CFTR: variants seen among roughly 807,000 people sequenced by gnomAD.
CFTR encodes cystic fibrosis transmembrane conductance regulator.
In CFTR, 181 loss-of-function variants were observed where a neutral mutation model predicts 171.6. The observed-to-expected ratio is 1.05, with a 90% CI of 0.93 to 1.19. The LOEUF (loss-of-function observed/expected upper bound fraction) is 1.19. CFTR is among the 50% of genes most tolerant of loss of function. CFTR has a pLI of 0.00. For missense variants in CFTR, 1,968 were observed against 1,734.7 expected (o/e 1.13, Z -2.39); for synonymous variants, 583 against 608.0 (o/e 0.96, Z 0.60).
At chr7:117,629,241 G>A (rs1245696378) in intron 22 of CFTR, among the ~76,000 whole-genome samples, 1 of 152,130 alleles carries the variant, frequency 6.6e-6, no homozygotes, top group Non-Finnish European at 1.5e-5. Context: ...AGGTACTTTG[G>A]GGGAATTGGA....
chr7:117,606,571 G>A, intron 17 of CFTR, 103 bp from the exon 18 acceptor site: 1 of 728,202 alleles, frequency 1.4e-6, no homozygotes, highest in African/African-American at 1.8e-5. Context: ...TCTTATTTGG[G>A]TTCTGAATGC....
At chr7:117,619,298 C>T (rs907611035) in intron 21 of CFTR, among the ~76,000 whole-genome samples, 1 of 152,100 alleles carries the variant, frequency 6.6e-6, no homozygotes, top group Non-Finnish European at 1.5e-5. Context: ...AGATTCCTAT[C>T]TGTATGAAAA....
intron 23 of CFTR, among the ~76,000 whole-genome samples, chr7:117,648,580 G>A (rs903448514): frequency 3.3e-5 from 5 of 152,030 alleles, no homozygotes; most frequent in African/African-American, 1.2e-4. Flanking sequence ...AGAGATAAAG[G>A]GCCATTGTGT....
In CFTR at chr7:117,642,553, C is replaced by G; in HGVS notation, c.3833C>G (p.Thr1278Ser). The G allele has an allele frequency of 6.2e-7, 1 of 1,613,476 alleles. No homozygotes were observed. Among genetic ancestry groups the G allele is most frequent in the South Asian group, 1.1e-5 (1 of 91,064 alleles). Reference sequence around the variant, plus strand: ...GATGGTGTGTCTTGGGATTCAATAACTTTGCAACAGTGGAGGAAAGCCTTT... The same window carrying G: ...GATGGTGTGTCTTGGGATTCAATAAGTTTGCAACAGTGGAGGAAAGCCTTT... ...QIDGVSWDSI[T>S]LQQWRKAFGV... Residue 1278 changes from threonine (T) to serine (S), a missense_variant, in exon 23 of 27, where the codon ACT becomes AGT. Physicochemically the swap from Thr to Ser is moderately conservative, Grantham distance 58. Transcript: ENST00000003084.
chr7:117,522,672 G>T (rs34870970), intron 3 of CFTR, among the ~76,000 whole-genome samples: 1 of 152,058 alleles, frequency 6.6e-6, no homozygotes, highest in Non-Finnish European at 1.5e-5. Context: ...AAATCAGGAC[G>T]CTTCTTGTGT....
intron 17 of CFTR, among the ~76,000 whole-genome samples, chr7:117,605,311 T>G (rs1792284623): frequency 6.6e-6 from 1 of 152,196 alleles, no homozygotes; most frequent in South Asian, 2.1e-4. Flanking sequence ...CAATTTTTGA[T>G]TATCATGAAA....
At chr7:117,651,878 C>T (rs927516024) in intron 23 of CFTR, among the ~76,000 whole-genome samples, 4 of 152,072 alleles carry the variant, frequency 2.6e-5, no homozygotes, top group Admixed American at 2.6e-4. Context: ...TAAATATTCT[C>T]ATTTCAAGGC....
chr7:117,602,758 G>A (rs1792244348), intron 15 of CFTR, 68 bp from the exon 16 acceptor site: 1 of 1,218,478 alleles, frequency 8.2e-7, no homozygotes, highest in Non-Finnish European at 1.2e-6. Context: ...TGTGAATTTA[G>A]ATGTGGGCAT....
At chr7:117,521,825 A>G (rs1798690038) in intron 3 of CFTR, among the ~76,000 whole-genome samples, 1 of 152,272 alleles carries the variant, frequency 6.6e-6, no homozygotes. Flanking sequence ...GCATGAGTTC[A>G]GGTTTCTATT....
intron 4 of CFTR, among the ~76,000 whole-genome samples, chr7:117,532,118 C>G (rs1798875267): frequency 6.6e-6 from 1 of 151,852 alleles, no homozygotes; most frequent in South Asian, 2.1e-4. Context: ...CAGTTATCAC[C>G]TCAGCTACAA....
chr7:117,614,801 C>A (rs1279047035), intron 21 of CFTR, 88 bp downstream of exon 21: 2 of 813,854 alleles, frequency 2.5e-6, no homozygotes, highest in East Asian at 2.6e-5. Context: ...AACTATATAC[C>A]GTATATTGAG....
intron 23 of CFTR, among the ~76,000 whole-genome samples, chr7:117,645,589 C>CT (rs1792985776): frequency 1.3e-5 from 2 of 152,246 alleles, no homozygotes; most frequent in African/African-American, 4.8e-5. Flanking sequence ...ACTGCAGTGC[C>CT]TTCCTCATCT....
intron 9 of CFTR, among the ~76,000 whole-genome samples, chr7:117,544,394 C>T (rs775554358): frequency 1.3e-5 from 2 of 152,180 alleles, no homozygotes; most frequent in African/African-American, 2.4e-5. Context: ...TTATCACATT[C>T]ACAAAATTCC....
intron 1 of CFTR, among the ~76,000 whole-genome samples, chr7:117,490,829 T>A (rs1407972684): frequency 1.3e-5 from 2 of 152,050 alleles, no homozygotes; most frequent in African/African-American, 4.8e-5. Flanking sequence ...AATTTATCCC[T>A]CCTTTCCTAT....
chr7:117,645,147 G>A (rs1284702540), intron 23 of CFTR, among the ~76,000 whole-genome samples: 1 of 152,036 alleles, frequency 6.6e-6, no homozygotes, highest in Non-Finnish European at 1.5e-5. Flanking sequence ...TATCAAATGC[G>A]ACCAAAACAA....
intron 1 of CFTR, among the ~76,000 whole-genome samples, chr7:117,483,891 T>A (rs543225773): frequency 6.6e-5 from 10 of 152,272 alleles, no homozygotes; most frequent in African/African-American, 2.4e-4. Context: ...AGACAGTGCT[T>A]AATGAAGAGA....
rs1419967340 is a variant in CFTR at position 117,556,991 on chromosome 7, TTATTC to T, written c.1393-2468_1393-2464del. ...TAATTTATAATTTTATCTTTATTAA[TTATTC>T]TATTTTTCTTCGCTTTTTTGTTGTT... On this transcript the variant is annotated intron_variant, in intron 10 of 26. Coordinates refer to ENST00000003084, the MANE Select transcript of CFTR (RefSeq NM_000492.4). Among the ~76,000 whole-genome samples the T allele has an allele frequency of 2.6e-5, 4 of 152,080 alleles. No homozygotes were observed. In the East Asian group the frequency reaches 7.7e-4, roughly 29 times the overall value.
chr7:117,483,933 T>G (rs975335997), intron 1 of CFTR, among the ~76,000 whole-genome samples: 2 of 152,150 alleles, frequency 1.3e-5, no homozygotes, highest in African/African-American at 4.8e-5. Flanking sequence ...GGAAGTATAA[T>G]TAAAATTATA....
Position 117,540,188 on chromosome 7 carries a change from T to G in CFTR, c.958T>G (p.Leu320Val), listed in dbSNP as rs144476686. Residue 320 changes from leucine to valine, a missense_variant, in exon 8 of 27, where the codon TTA (leucine) becomes GTA (valine). Coordinates refer to ENST00000003084, the MANE Select transcript of CFTR (RefSeq NM_000492.4). Reference protein sequence around the residue: ...FFFSGFFVVFLSVLPYALIKG... With the variant: ...FFFSGFFVVFVSVLPYALIKG... ...CTTCTCAGGGTTCTTTGTGGTGTTT[T>G]TATCTGTGCTTCCCTATGCACTAAT... 2.7e-4 allele frequency: 440 copies of G among 1,614,098 alleles called. 3 individuals are homozygous for G. The highest frequency in any genetic ancestry group is 2.0e-3 in the Admixed American group (121 of 60,002).
Sources: gnomAD v4.1 joint callset for allele counts (sites outside exome capture counted in the v4.1 genomes callset) on GRCh38, gnomAD v4.1.1 for gene constraint, MANE v1.5 for transcripts, NCBI Gene and HGNC (gene_info 2026-07-23, HGNC 2026-07-21) for gene names.